EBF4: variants seen among roughly 807,000 people sequenced by gnomAD.
EBF4 encodes EBF transcription factor 4.
In EBF4, 34 loss-of-function variants were observed where a neutral mutation model predicts 67.1. That is an observed-to-expected ratio of 0.51 (90% CI 0.39 to 0.67). The LOEUF (loss-of-function observed/expected upper bound fraction) is 0.67. EBF4 is among the 30% of genes least tolerant of loss of function. EBF4 has a pLI of 0.00. For synonymous variants in EBF4, 387 were observed against 377.7 expected (o/e 1.02, Z -0.29); for missense variants, 837 against 873.3 (o/e 0.96, Z 0.52).
rs375806380 is a variant in EBF4, at chr20:2,738,611, C to T, written c.558-9938C>T. On this transcript the variant is annotated intron_variant, in intron 6 of 16. Coordinates refer to ENST00000609451, the Ensembl canonical transcript of EBF4. ...CACTCCACCCTTCCTCCTCTCCCCT[C>T]AGGCCTGGTTTGGGGAAAGTGGAGC... is the stretch of plus-strand genomic sequence containing the variant. 2.6e-4 allele frequency among the ~76,000 whole-genome samples: 40 copies of T among 152,212 alleles called. No individual in the cohort carries two copies. The East Asian group carries it at 6.8e-3, about 26-fold the overall frequency.
rs146829430 is a variant in EBF4, at chr20:2,749,669, G to A, written c.807G>A (p.Thr269=). The A allele has an allele frequency of 2.5e-3, 3,850 of 1,567,772 alleles. 76 individuals carry two copies. The African/African-American group carries it at 0.041, about 17-fold the overall frequency. Residue 269 remains threonine, a synonymous_variant, in exon 9 of 17, where the codon ACG becomes ACA. Transcript: ENST00000609451. ...TCAGCCCCGGGGAGGGCTGGACCAC[G>A]GGCGGCGCCACCGTCATTGTCATCG... is the stretch of plus-strand genomic sequence containing the variant.
intron 6 of EBF4, among the ~76,000 whole-genome samples, chr20:2,736,999 C>T (rs914164682): frequency 1.3e-5 from 2 of 152,070 alleles, no homozygotes; most frequent in Non-Finnish European, 2.9e-5. Flanking sequence ...CTTGTAATCC[C>T]AGCACTTTGG....
At chr20:2,699,450 G>A (rs562797512) in intron 1 of EBF4, among the ~76,000 whole-genome samples, 126 of 152,294 alleles carry the variant, frequency 8.3e-4, no homozygotes, top group African/African-American at 2.9e-3. Context: ...AATGAAAGAT[G>A]GAAAGGAGGT....
At chr20:2,698,725 G>T (rs1333687892) in intron 1 of EBF4, among the ~76,000 whole-genome samples, 1 of 152,124 alleles carries the variant, frequency 6.6e-6, no homozygotes, top group Non-Finnish European at 1.5e-5. Context: ...TCAACAAAGA[G>T]CCTCCCCCCA....
rs142751796 is a variant in EBF4 at position 2,748,338 on chromosome 20, T to C, written c.558-211T>C. On this transcript the variant is annotated intron_variant, in intron 6 of 16. Transcript: ENST00000609451. ...GATCAGCACACGGTGTGTATGGTTG[T>C]ATAGCGAAGTTGTCATTGTGATGGG... 9.9e-4 allele frequency among the ~76,000 whole-genome samples: 150 copies of C among 152,232 alleles called. 4 individuals are homozygous for C. In the East Asian group the frequency reaches 0.023, roughly 23 times the overall value.
chr20:2,747,532 G>A lies in EBF4; in HGVS notation c.558-1017G>A, dbSNP rs1025044945. On this transcript the variant is annotated intron_variant, in intron 6 of 16. Coordinates refer to ENST00000609451, the Ensembl canonical transcript of EBF4. This position sits in a 1 kb window ranked among gnomAD's most constrained non-coding sequence, Gnocchi z 4.6. Reference sequence around the variant, plus strand: ...TCTATGTAAAAAAGAAGACATTCACGGTGTCTCTGTACCACATGTCTGACA... The same window carrying A: ...TCTATGTAAAAAAGAAGACATTCACAGTGTCTCTGTACCACATGTCTGACA... Among the ~76,000 whole-genome samples, 15 of 152,048 alleles carry A rather than the reference G, an allele frequency of 9.9e-5. No individual in the cohort carries two copies. The highest frequency in any genetic ancestry group is 3.1e-4 in the African/African-American group (13 of 41,380).
At chr20:2,709,379 C>T (rs1378315987) in intron 5 of EBF4, among the ~76,000 whole-genome samples, 195 bp from the exon 6 acceptor site, 3 of 152,030 alleles carry the variant, frequency 2.0e-5, no homozygotes, top group South Asian at 4.2e-4. Context: ...AGGCTAGGCT[C>T]TCAGGGTCCC....
intron 1 of EBF4, among the ~76,000 whole-genome samples, chr20:2,695,682 A>C (rs2087278635): frequency 6.6e-6 from 1 of 152,052 alleles, no homozygotes. Context: ...GTCTGTCATC[A>C]CTACAGTTGT....
At position 2,748,529 on chromosome 20, in the gene EBF4, C is replaced by A. The variant is rs1480001717; in HGVS notation, c.558-20C>A. ...TCCAGAACCCCCAGACCCTTGAGCC[C>A]ACCGACCACACTGTTTCAGGTTCTT... On this transcript the variant is annotated intron_variant, in intron 6 of 16. Coordinates refer to ENST00000609451, the Ensembl canonical transcript of EBF4. 6.5e-7 allele frequency: 1 copy of A among 1,550,140 alleles called. No individual in the cohort carries two copies. The highest frequency in any genetic ancestry group is 1.4e-5 in the African/African-American group (1 of 73,000).
At chr20:2,716,477 C>T (rs993784932) in intron 6 of EBF4, among the ~76,000 whole-genome samples, 3 of 149,740 alleles carry the variant, frequency 2.0e-5, no homozygotes, top group African/African-American at 2.5e-5. Flanking sequence ...TGTGGTGAGC[C>T]GAGATCGTGC....
chr20:2,752,463 C>A lies in EBF4; in HGVS notation c.1458C>A (p.Tyr486Ter). 7.9e-7 allele frequency: 1 copy of A among 1,269,712 alleles called. No homozygotes were observed. Among genetic ancestry groups the A allele is most frequent in the Non-Finnish European group, 9.9e-7 (1 of 1,008,384 alleles). 78.7% of individuals were successfully genotyped at this position (1,269,712 alleles called of 1,614,324 possible). ...GCCTCGGAGCTGGCCTGGGCGGCTA[C>A]GGCGCGCCGGGCGTGGCCGGCCTCG... Residue 486 changes from tyrosine to a stop codon, truncating the protein, a stop_gained, in exon 14 of 17, where the codon TAC becomes TAA. Coordinates refer to ENST00000609451, the Ensembl canonical transcript of EBF4. LOFTEE classifies it high-confidence loss of function.
At chr20:2,721,739 G>A (rs2087684022) in intron 6 of EBF4, among the ~76,000 whole-genome samples, 1 of 152,192 alleles carries the variant, frequency 6.6e-6, no homozygotes, top group South Asian at 2.1e-4. Flanking sequence ...ACAGGTGTGA[G>A]CCACTGCACC....
chr20:2,726,324 T>C (rs369121172), intron 6 of EBF4, among the ~76,000 whole-genome samples: 4 of 152,152 alleles, frequency 2.6e-5, no homozygotes, highest in East Asian at 3.9e-4. Flanking sequence ...TGAGGTGTAG[T>C]ACCAGCTACC....
rs2088042876 is a variant in EBF4 at position 2,745,870 on chromosome 20, G to C, written c.558-2679G>C. Among the ~76,000 whole-genome samples, 1 of 152,202 alleles carries C rather than the reference G, an allele frequency of 6.6e-6. No individual in the cohort carries two copies. Among genetic ancestry groups the C allele is most frequent in the East Asian group, 1.9e-4 (1 of 5,188 alleles). On this transcript the variant is annotated intron_variant, in intron 6 of 16. Transcript: ENST00000609451. This position sits in a 1 kb window ranked among gnomAD's most constrained non-coding sequence, Gnocchi z 5.2. ...CTTCCTCTTGATCCTGTAGGTTTGA[G>C]TGGAGTGGGGTGCAGTGGGCACATG...
chr20:2,748,792 G>A (rs1198559705), intron 7 of EBF4, among the ~76,000 whole-genome samples, 162 bp downstream of exon 7: 2 of 152,232 alleles, frequency 1.3e-5, no homozygotes, highest in African/African-American at 2.4e-5. Context: ...GCCTGCTGGG[G>A]GTGGGGCAGC....
At position 2,755,357 on chromosome 20, in the gene EBF4, A is replaced by C; in HGVS notation, c.1541-270A>C. 2.1e-6 allele frequency: 1 copy of C among 478,960 alleles called. No individual in the cohort carries two copies. Among genetic ancestry groups the C allele is most frequent in the Non-Finnish European group, 3.7e-6 (1 of 270,972 alleles). 29.7% of individuals were successfully genotyped at this position (478,960 alleles called of 1,614,324 possible). A position where few individuals can be genotyped will look rare whatever the true frequency, so the allele number is the denominator to read the frequency against. On this transcript the variant is annotated intron_variant, in intron 14 of 16. Coordinates refer to ENST00000609451, the Ensembl canonical transcript of EBF4. The surrounding 1 kb of genome is among the most constrained non-coding windows in gnomAD (Gnocchi z 4.7). Reference sequence around the variant, plus strand: ...ATCTCATTTTTGGGGGGTACCTCCCACTGTTTGTTTTTTTTGAATGTTCTG... The same window carrying C: ...ATCTCATTTTTGGGGGGTACCTCCCCCTGTTTGTTTTTTTTGAATGTTCTG...
chr20:2,703,902 G>A (rs575898231), intron 1 of EBF4, among the ~76,000 whole-genome samples: 23 of 152,282 alleles, frequency 1.5e-4, no homozygotes, highest in African/African-American at 4.8e-4. Context: ...ACTGAGGCGG[G>A]TGGATCTGCT....
At chr20:2,702,226 G>A (rs746856855) in intron 1 of EBF4, among the ~76,000 whole-genome samples, 1 of 152,116 alleles carries the variant, frequency 6.6e-6, no homozygotes, top group Non-Finnish European at 1.5e-5. Context: ...TTGAGCCCAG[G>A]AGTTCAAGAT....
chr20:2,694,703 G>A (rs1242669404), intron 1 of EBF4, among the ~76,000 whole-genome samples: 1 of 152,162 alleles, frequency 6.6e-6, no homozygotes, highest in Non-Finnish European at 1.5e-5. Flanking sequence ...GCAGCCCGAA[G>A]GGATTCTGAA....
Sources: allele counts gnomAD v4.1 joint callset (sites outside exome capture counted in the v4.1 genomes callset), GRCh38; gene constraint gnomAD v4.1.1; non-coding constraint Gnocchi (gnomAD v3.1); transcripts MANE v1.5; gene names NCBI Gene and HGNC (gene_info 2026-07-23, HGNC 2026-07-21).